Variants in ANKRD36 observed in about 807,000 individuals in gnomAD.
ANKRD36 encodes the protein ankyrin repeat domain 36, also known as ankyrin repeat domain-containing protein 36A.
ANKRD36 carries 179 observed loss-of-function variants against 278.1 expected under a neutral mutation model. The observed-to-expected ratio is 0.64, with a 90% CI of 0.57 to 0.73. ANKRD36 has a LOEUF of 0.73. ANKRD36 is among the 30% of genes least tolerant of loss of function. The pLI, the probability that ANKRD36 is intolerant of heterozygous loss-of-function variation, is 0.00. For missense variants in ANKRD36, 1,159 were observed against 1,956.7 expected (o/e 0.59, Z 7.69); for synonymous variants, 320 against 641.1 (o/e 0.50, Z 7.57).
At chr2:97,132,309 T>G (rs2040384129) in intron 6 of ANKRD36, among the ~76,000 whole-genome samples, 1 of 151,904 alleles carries the variant, frequency 6.6e-6, no homozygotes, top group Non-Finnish European at 1.5e-5. Flanking sequence ...TCCCCAATTA[T>G]TATAAAAGAA....
intron 67 of ANKRD36, among the ~76,000 whole-genome samples, chr2:97,233,000 C>A (rs1378785990): frequency 2.3e-5 from 3 of 128,034 alleles, no homozygotes; most frequent in Non-Finnish European, 3.1e-5. Context: ...AGAAATGAAG[C>A]ATGTGATTTA....
At position 97,208,000 on chromosome 2, in the gene ANKRD36, A is replaced by G. The variant is rs773166006; in HGVS notation, c.3259A>G (p.Lys1087Glu). The G allele has an allele frequency of 4.6e-6, 7 of 1,519,600 alleles. 2 individuals carry two copies. In the South Asian group the frequency reaches 8.4e-5, roughly 18 times the overall value. 94.1% of individuals were successfully genotyped at this position (1,519,600 alleles called of 1,614,324 possible). ...AGGAAAAAAGTATGGAGAAAAAACT[A>G]AGAGAGGTAATTTTGAAAAGAGATT... The part of the protein sequence containing the change: ...ARGKKYGEKT[K>E]RVSSRKKPAL... Residue 1087 changes from lysine (K) to glutamate (E), a missense_variant, in exon 54 of 76, where the codon AAG becomes GAG. Physicochemically the swap from Lys to Glu is moderately conservative, Grantham distance 56. Coordinates refer to ENST00000420699, the MANE Select transcript of ANKRD36 (RefSeq NM_001354587.1).
At chr2:97,226,721 A>C (rs1432662863) in intron 67 of ANKRD36, among the ~76,000 whole-genome samples, 1 of 151,714 alleles carries the variant, frequency 6.6e-6, no homozygotes, top group Non-Finnish European at 1.5e-5. Context: ...CCTGAATGGT[A>C]ATGCCTAGGT....
intron 62 of ANKRD36, chr2:97,215,805 G>A (rs2065776317): frequency 6.3e-6 from 4 of 635,456 alleles, no homozygotes; most frequent in East Asian, 5.9e-5. Context: ...TCCATCAAGA[G>A]GGGAAGGAGA....
Position 97,124,584 on chromosome 2 carries a change from G to C in ANKRD36, c.718G>C (p.Ala240Pro). Residue 240 changes from alanine to proline, a missense_variant, in exon 5 of 76, where the codon GCT becomes CCT. Transcript: ENST00000420699. ...RKIAGDYAIE[A>P]KNRVIFDLIY... ...GATTGCAGGAGATTATGCCATTGAG[G>C]CTAAGAATAGAGTGTAAGTCTTTAC... The C allele has an allele frequency of 3.2e-6, 5 of 1,551,572 alleles. No individual in the cohort carries two copies. The highest frequency in any genetic ancestry group is 4.4e-6 in the Non-Finnish European group (5 of 1,146,662).
chr2:97,176,269 G>A (rs1164111424), intron 22 of ANKRD36, among the ~76,000 whole-genome samples: 1 of 150,546 alleles, frequency 6.6e-6, no homozygotes, highest in African/African-American at 2.4e-5. Context: ...AAGTCTCTTT[G>A]TAGGTCACTC....
rs113047332 is a variant in ANKRD36 at position 97,152,500 on chromosome 2, A to C, written c.1163-4A>C. The C allele has an allele frequency of 3.4e-6, 5 of 1,463,128 alleles. No individual in the cohort carries two copies. In the African/African-American group the frequency reaches 6.9e-5, roughly 20 times the overall value. The allele number at this position is 1,463,128 out of a possible 1,614,324, so 90.6% of individuals were successfully genotyped here. A position where few individuals can be genotyped will look rare whatever the true frequency, so the allele number is the denominator to read the frequency against. On this transcript the variant is annotated splice_polypyrimidine_tract_variant and splice_region_variant and intron_variant, in intron 13 of 75. Coordinates refer to ENST00000420699, the MANE Select transcript of ANKRD36 (RefSeq NM_001354587.1). ...TAAAATGCATTTTACTTTTTCTTTA[A>C]TAGTGCTTCCTCCTGTTGAAGAGGC...
chr2:97,170,134 G>A lies in ANKRD36; in HGVS notation c.1633+2367G>A, dbSNP rs576149213. On this transcript the variant is annotated intron_variant, in intron 22 of 75. Transcript: ENST00000420699. Reference sequence around the variant, plus strand: ...GAAGCAACACCATACATCTACAACCGTATGATCTTTGACAAACCTGACAAA... The same window carrying A: ...GAAGCAACACCATACATCTACAACCATATGATCTTTGACAAACCTGACAAA... Among the ~76,000 whole-genome samples, 1,334 of 143,070 alleles carry A rather than the reference G, an allele frequency of 9.3e-3. 9 individuals carry two copies. The highest frequency in any genetic ancestry group is 0.014 in the Non-Finnish European group (932 of 66,910). 93.9% of individuals were successfully genotyped at this position (143,070 alleles called of 152,430 possible). A position where few individuals can be genotyped will look rare whatever the true frequency, so the allele number is the denominator to read the frequency against.
chr2:97,181,056 C>T (rs1178513514), intron 24 of ANKRD36, among the ~76,000 whole-genome samples: 2 of 151,656 alleles, frequency 1.3e-5, no homozygotes, highest in Admixed American at 6.6e-5. Context: ...ATATTATCTA[C>T]TAGATTTTAG....
At chr2:97,169,622 G>A (rs77955802) in intron 22 of ANKRD36, among the ~76,000 whole-genome samples, 141 of 130,172 alleles carry the variant, frequency 1.1e-3, no homozygotes, top group African/African-American at 3.6e-3. Context: ...AAAATCACAA[G>A]CATTCCTATA....
chr2:97,130,459 G>T (rs544906237), intron 6 of ANKRD36, among the ~76,000 whole-genome samples: 2 of 123,498 alleles, frequency 1.6e-5, no homozygotes, highest in African/African-American at 6.0e-5. Flanking sequence ...GGTGGGGGGA[G>T]GGGGGAGGGA....
rs1160233740 is a variant in ANKRD36, at chr2:97,209,949, A to G, written c.3367+77A>G. On this transcript the variant is annotated intron_variant, in intron 56 of 75. Coordinates refer to ENST00000420699, the MANE Select transcript of ANKRD36 (RefSeq NM_001354587.1). ...TTCTCTTCCCTGAATAAATCAGCGG[A>G]GGGCTCGTTGAAGCTGCACATTCTG... 28 of 1,508,646 alleles carry G rather than the reference A, an allele frequency of 1.9e-5. 1 individual carries two copies. Among genetic ancestry groups the G allele is most frequent in the Admixed American group, 4.4e-5 (2 of 45,828 alleles). The allele number at this position is 1,508,646 out of a possible 1,614,324, so 93.5% of individuals were successfully genotyped here.
chr2:97,242,213 C>G (rs1204139157), intron 69 of ANKRD36, among the ~76,000 whole-genome samples: 24 of 151,506 alleles, frequency 1.6e-4, no homozygotes, highest in Non-Finnish European at 2.5e-4. Flanking sequence ...TCGCATGAAA[C>G]TGGGAGGCAG....
chr2:97,154,753 T>C lies in ANKRD36; in HGVS notation c.1260+12T>C, dbSNP rs1197467170. 15 of 1,467,562 alleles carry C rather than the reference T, an allele frequency of 1.0e-5. No homozygotes were observed. The Admixed American group carries it at 2.5e-4, about 24-fold the overall frequency. The allele number at this position is 1,467,562 out of a possible 1,614,324, so 90.9% of individuals were successfully genotyped here. On this transcript the variant is annotated intron_variant, in intron 15 of 75. Transcript: ENST00000420699. ...CTTTGGAATCTGAGGTAGAGTACTC[T>C]CTTGTGAAATTAATTTTCTCATTCT...
At chr2:97,124,821 A>G (rs1364528398) in intron 5 of ANKRD36, among the ~76,000 whole-genome samples, 2 of 151,962 alleles carry the variant, frequency 1.3e-5, no homozygotes, top group Non-Finnish European at 2.9e-5. Context: ...TAGGTGCAAG[A>G]TTCTTGATAT....
At chr2:97,134,863 A>AT (rs2041084748) in intron 6 of ANKRD36, among the ~76,000 whole-genome samples, 1 of 152,090 alleles carries the variant, frequency 6.6e-6, no homozygotes, top group African/African-American at 2.4e-5. Flanking sequence ...CAAGACTCAG[A>AT]TTGGATAAAC....
chr2:97,172,685 A>T (rs555415868), intron 22 of ANKRD36, among the ~76,000 whole-genome samples: 28 of 152,238 alleles, frequency 1.8e-4, no homozygotes, highest in Admixed American at 3.9e-4. Flanking sequence ...GCTCCCCTTC[A>T]TGAATGTTAA....
chr2:97,241,109 T>C (rs1276010591), intron 68 of ANKRD36, among the ~76,000 whole-genome samples, 157 bp from the exon 69 acceptor site: 2 of 132,686 alleles, frequency 1.5e-5, no homozygotes, highest in African/African-American at 2.8e-5. Context: ...TGTTGTCTTA[T>C]CTGCAGACCT....
chr2:97,127,124 T>C lies in ANKRD36; in HGVS notation c.789T>C (p.Asn263=), dbSNP rs758744227. ...ERKRYEDLPI[N]SNPVSSQKQP... is the part of the protein sequence containing the mutation. ...AGAGATATGAAGATCTTCCTATAAATAGCAATCCAGGTAAGATTTCTGATA... is the reference window on the plus strand; with the variant it reads ...AGAGATATGAAGATCTTCCTATAAACAGCAATCCAGGTAAGATTTCTGATA... Residue 263 remains asparagine (N), a synonymous_variant, in exon 6 of 76, where the codon AAT becomes AAC. Transcript: ENST00000420699. The C allele has an allele frequency of 5.4e-6, 7 of 1,294,194 alleles. No homozygotes were observed. The highest frequency in any genetic ancestry group is 7.4e-6 in the Non-Finnish European group (7 of 948,662). The allele number at this position is 1,294,194 out of a possible 1,614,324, so 80.2% of individuals were successfully genotyped here. A position where few individuals can be genotyped will look rare whatever the true frequency, so the allele number is the denominator to read the frequency against.
Sources: allele counts gnomAD v4.1 joint callset (sites outside exome capture counted in the v4.1 genomes callset), GRCh38; gene constraint gnomAD v4.1.1; transcripts MANE v1.5; gene names NCBI Gene and HGNC (gene_info 2026-07-23, HGNC 2026-07-21).